Variants in SLC35F2 observed in about 807,000 individuals in gnomAD.
SLC35F2 encodes the protein solute carrier family 35 member F2.
SLC35F2 carries 25 observed loss-of-function variants against 38.1 expected under a neutral mutation model. The observed-to-expected ratio is 0.66, with a 90% confidence interval of 0.48 to 0.92. The LOEUF (loss-of-function observed/expected upper bound fraction) is 0.92, where lower values mean the gene tolerates loss of function less well. Ranked by LOEUF, SLC35F2 falls within the 40% of genes least tolerant of loss-of-function variation. The pLI is 0.00. For synonymous variants in SLC35F2, 173 were observed against 181.7 expected (o/e 0.95, Z 0.38); for missense variants, 409 against 452.9 (o/e 0.90, Z 0.88).
intron 1 of SLC35F2, among the ~76,000 whole-genome samples, chr11:107,851,073 G>A (rs1471343661): frequency 1.3e-5 from 2 of 151,750 alleles, no homozygotes; most frequent in African/African-American, 4.8e-5. Flanking sequence ...GACCAGCCTG[G>A]CCAATATGGT....
intron 1 of SLC35F2, among the ~76,000 whole-genome samples, chr11:107,841,215 G>C (rs1387787713): frequency 6.6e-6 from 1 of 152,140 alleles, no homozygotes; most frequent in Non-Finnish European, 1.5e-5. Context: ...TGTTTAACAG[G>C]AAAATAATAT....
intron 1 of SLC35F2, among the ~76,000 whole-genome samples, chr11:107,829,448 G>A (rs1016422564): frequency 6.6e-6 from 1 of 151,484 alleles, no homozygotes; most frequent in Non-Finnish European, 1.5e-5. Context: ...TTGACTCCCA[G>A]TGCACCCTTC....
Position 107,798,821 on chromosome 11 carries a change from G to A in SLC35F2, c.939+4180C>T, listed in dbSNP as rs1565426829. 2.6e-5 allele frequency among the ~76,000 whole-genome samples: 4 copies of A among 152,134 alleles called. No homozygotes were observed. The South Asian group carries it at 8.3e-4, about 32-fold the overall frequency. On this transcript the variant is annotated intron_variant, in intron 7 of 7. Transcript: ENST00000525815. ...CAGGCTCAGTGGCTCATGCCCTGTG[G>A]TCCCAGCACTTTGGGAGGCAGAGGC...
chr11:107,828,922 C>T (rs895479207), intron 1 of SLC35F2, among the ~76,000 whole-genome samples: 1 of 151,922 alleles, frequency 6.6e-6, no homozygotes, highest in South Asian at 2.1e-4. Flanking sequence ...GCCTGGCCAA[C>T]ATGGTGAAAC....
At chr11:107,794,825 C>T (rs1859192858) in intron 7 of SLC35F2, among the ~76,000 whole-genome samples, 1 of 152,168 alleles carries the variant, frequency 6.6e-6, no homozygotes, top group Non-Finnish European at 1.5e-5. Flanking sequence ...CACAAAATAG[C>T]TCTTAGATCT....
chr11:107,845,441 A>G (rs542095199), intron 1 of SLC35F2, among the ~76,000 whole-genome samples: 1 of 151,850 alleles, frequency 6.6e-6, no homozygotes, highest in Non-Finnish European at 1.5e-5. Flanking sequence ...GGATTGCTTG[A>G]GCCTAGGAAG....
At position 107,806,968 on chromosome 11, in the gene SLC35F2, A is replaced by G. The variant is rs532871338; in HGVS notation, c.415-92T>C. On this transcript the variant is annotated intron_variant, in intron 3 of 7. Coordinates refer to ENST00000525815, the MANE Select transcript of SLC35F2 (RefSeq NM_017515.5). ...AATAATAGGAGTCAGTATTTATAAT[A>G]GGAGTCAGTATTTATTGAGCATTTA... 1.6e-5 allele frequency: 18 copies of G among 1,160,776 alleles called. No individual in the cohort carries two copies. The East Asian group carries it at 3.0e-4, about 19-fold the overall frequency. 71.9% of individuals were successfully genotyped at this position (1,160,776 alleles called of 1,614,324 possible).
In SLC35F2 at chr11:107,839,515, A is replaced by C. The variant is rs536968964; in HGVS notation, c.110+19143T>G. ...GCCTCTCTAACAAAGGGTACTGATTAGCCAAACCCATATGGTTATATGTTC... is the reference window on the plus strand; with the variant it reads ...GCCTCTCTAACAAAGGGTACTGATTCGCCAAACCCATATGGTTATATGTTC... On this transcript the variant is annotated intron_variant, in intron 1 of 7. Transcript: ENST00000525815. Among the ~76,000 whole-genome samples the C allele has an allele frequency of 1.5e-3, 230 of 152,346 alleles. 1 individual carries two copies. The highest frequency in any genetic ancestry group is 2.6e-3 in the Non-Finnish European group (177 of 68,022).
At chr11:107,815,466 T>C (rs144761877) in intron 2 of SLC35F2, among the ~76,000 whole-genome samples, 1 of 150,688 alleles carries the variant, frequency 6.6e-6, no homozygotes, top group Non-Finnish European at 1.5e-5. Context: ...GCTGAGGTAA[T>C]TGGATCACTT....
chr11:107,810,693 G>A lies in SLC35F2; in HGVS notation c.414+974C>T, dbSNP rs1441176380. 18 of 984,134 alleles carry A rather than the reference G, an allele frequency of 1.8e-5. No individual in the cohort carries two copies. In the South Asian group the frequency reaches 8.0e-4, roughly 44 times the overall value. The allele number at this position is 984,134 out of a possible 1,614,324, so 61.0% of individuals were successfully genotyped here. A position where few individuals can be genotyped will look rare whatever the true frequency, so the allele number is the denominator to read the frequency against. The stretch of plus-strand genomic sequence containing the variant: ...CTGGTCAAAATCCAAGAGGTTTCCT[G>A]AGAACAATGCTTAGCACAATGTTAC... On this transcript the variant is annotated intron_variant, in intron 3 of 7. Coordinates refer to ENST00000525815, the MANE Select transcript of SLC35F2 (RefSeq NM_017515.5).
chr11:107,816,213 A>G (rs1252349785), intron 1 of SLC35F2: 2 of 985,052 alleles, frequency 2.0e-6, no homozygotes, highest in African/African-American at 3.5e-5. Flanking sequence ...CTGAACATCC[A>G]TTTAGAGATC....
In SLC35F2 at chr11:107,803,071, G is replaced by A. The variant is rs771243899; in HGVS notation, c.869C>T (p.Ser290Phe). 6.2e-7 allele frequency: 1 copy of A among 1,614,084 alleles called. No homozygotes were observed. Among genetic ancestry groups the A allele is most frequent in the East Asian group, 2.2e-5 (1 of 44,854 alleles). ...PLVIKVTSAT[S>F]VNLGILTADL... ...CGCTGTCAGGATGCCCAGGTTGACG[G>A]AAGTGGCACTAGTGACTTTAATCAC... The change falls in exon 7 of 8, where the codon TCC becomes TTC. Residue 290 changes from serine (S) to phenylalanine (F), a missense_variant. Physicochemically the swap from Ser to Phe is radical, Grantham distance 155 (BLOSUM62 -2). Transcript: ENST00000525815.
rs1290679092 is a variant in SLC35F2, at chr11:107,843,861, AAAAAAAAATATATATATAT to A, written c.110+14778_110+14796del. The stretch of plus-strand genomic sequence containing the variant: ...CTCTGTATCTTAAAAAAAAAAAAAA[AAAAAAAAATATATATATAT>A]ATATATATATATATATATATATATA... On this transcript the variant is annotated intron_variant, in intron 1 of 7. Coordinates refer to ENST00000525815, the MANE Select transcript of SLC35F2 (RefSeq NM_017515.5). Among the ~76,000 whole-genome samples the A allele has an allele frequency of 3.0e-3, 113 of 38,274 alleles. 5 individuals are homozygous for A. The highest frequency in any genetic ancestry group is 8.2e-3 in the African/African-American group (99 of 12,048). 25.1% of individuals were successfully genotyped at this position (38,274 alleles called of 152,430 possible). A position where few individuals can be genotyped will look rare whatever the true frequency, so the allele number is the denominator to read the frequency against.
chr11:107,816,337 A>G (rs1859574094), intron 1 of SLC35F2: 9 of 963,970 alleles, frequency 9.3e-6, no homozygotes, highest in Non-Finnish European at 9.9e-6. Flanking sequence ...GCTAGAGTGC[A>G]GTGGTGCAAT....
chr11:107,853,032 G>A (rs1363848168), intron 1 of SLC35F2, among the ~76,000 whole-genome samples: 3 of 152,092 alleles, frequency 2.0e-5, no homozygotes, highest in Non-Finnish European at 2.9e-5. Flanking sequence ...TAATGTGGGT[G>A]TAGACTGACC....
chr11:107,858,380 CTAA>C, intron 1 of SLC35F2: 1 of 253,876 alleles, frequency 3.9e-6, no homozygotes, highest in Non-Finnish European at 7.0e-6. Context: ...GAGGACCGAC[CTAA>C]TAGTGCCACA....
At chr11:107,843,868 AATATATAT>A (rs1178673709) in intron 1 of SLC35F2, among the ~76,000 whole-genome samples, 2,197 of 46,474 alleles carry the variant, frequency 0.047, 81 homozygotes, top group Middle Eastern at 0.096. Context: ...AAAAAAAAAA[AATATATAT>A]ATATATATAT....
chr11:107,828,038 T>C (rs1196000178), intron 1 of SLC35F2, among the ~76,000 whole-genome samples: 3 of 152,186 alleles, frequency 2.0e-5, no homozygotes, highest in Admixed American at 2.0e-4. Flanking sequence ...TCACACCAAA[T>C]AGCAAGAAAA....
chr11:107,856,852 CAGGA>C (rs1188013989), intron 1 of SLC35F2, among the ~76,000 whole-genome samples: 27 of 96,674 alleles, frequency 2.8e-4, no homozygotes, highest in Admixed American at 2.7e-3. Flanking sequence ...GTGACTTGTC[CAGGA>C]AGGAAGGAAG....
Sources: allele counts gnomAD v4.1 joint callset (sites outside exome capture counted in the v4.1 genomes callset), GRCh38; gene constraint gnomAD v4.1.1; transcripts MANE v1.5; gene names NCBI Gene and HGNC (gene_info 2026-07-23, HGNC 2026-07-21).